Variants in CSPG4 observed in about 807,000 individuals in gnomAD.
The protein encoded by CSPG4 is chondroitin sulfate proteoglycan 4 (melanoma-associated).
CSPG4 carries 74 observed loss-of-function variants against 139.3 expected under a neutral mutation model. The observed-to-expected ratio is 0.53, with a 90% CI of 0.44 to 0.64. CSPG4 has a LOEUF of 0.64. CSPG4 is among the 30% of genes least tolerant of loss of function. CSPG4 has a pLI of 0.00. For synonymous variants in CSPG4, 1,234 were observed against 1,394.2 expected (o/e 0.89, Z 2.56); for missense variants, 2,565 against 3,148.3 (o/e 0.81, Z 4.43).
Position 75,689,697 on chromosome 15 carries a change from C to T in CSPG4, c.1368G>A (p.Leu456=). ...WLEWRHVQPT[L]DLMEAELRKS... ...TGCGCAGCTCAGCCTCCATCAGGTC[C>T]AGCGTGGGCTGCACATGCCTCCACT... The change falls in exon 3 of 10, where the codon CTG becomes CTA. Residue 456 remains leucine (L), a synonymous_variant. Coordinates refer to ENST00000308508, the MANE Select transcript of CSPG4 (RefSeq NM_001897.5). 2 of 1,612,884 alleles carry T rather than the reference C, an allele frequency of 1.2e-6. No individual in the cohort carries two copies. Among genetic ancestry groups the T allele is most frequent in the Middle Eastern group, 3.3e-4 (2 of 6,018 alleles).
chr15:75,707,524 T>C lies in CSPG4; in HGVS notation c.88+5144A>G, dbSNP rs545370178. Among the ~76,000 whole-genome samples the C allele has an allele frequency of 8.0e-4, 122 of 151,634 alleles. 1 individual carries two copies. The highest frequency in any genetic ancestry group is 2.5e-3 in the African/African-American group (104 of 41,414). ...GTGTGGAGTGAGGGCCAGCAGGCAG[T>C]GGGCAGGAGTGGGAAGCTGGGGCAG... On this transcript the variant is annotated intron_variant, in intron 1 of 9. Transcript: ENST00000308508.
intron 1 of CSPG4, among the ~76,000 whole-genome samples, chr15:75,695,413 T>C (rs1596011216): frequency 1.3e-5 from 2 of 152,082 alleles, no homozygotes; most frequent in African/African-American, 2.4e-5. Flanking sequence ...AATGGGTCCA[T>C]TGAGGGGCTG....
intron 1 of CSPG4, among the ~76,000 whole-genome samples, 198 bp downstream of exon 1, chr15:75,712,470 C>T (rs1199403831): frequency 6.6e-6 from 1 of 152,206 alleles, no homozygotes; most frequent in Non-Finnish European, 1.5e-5. Flanking sequence ...TAGCTAGAAA[C>T]CCCATAACCT....
chr15:75,686,495 C>A (rs574581623), intron 3 of CSPG4, among the ~76,000 whole-genome samples: 25 of 117,794 alleles, frequency 2.1e-4, no homozygotes, highest in African/African-American at 6.2e-4. Context: ...CACAAGAGGC[C>A]AAACCACCCC....
chr15:75,674,754 A>G lies in CSPG4; in HGVS notation c.*796T>C, dbSNP rs1127648. ...GAGACCCTCGATGAGCCCCAGCCTA[A>G]CCTGCTCCAAAGCCACTGACACATG... On this transcript the variant is annotated 3_prime_UTR_variant, in exon 10 of 10. Transcript: ENST00000308508. The G allele has an allele frequency of 0.52, 207,811 of 398,370 alleles. 55,532 individuals carry two copies. The highest frequency in any genetic ancestry group is 0.57 in the Non-Finnish European group (127,871 of 226,010). The allele number at this position is 398,370 out of a possible 1,614,324, so 24.7% of individuals were successfully genotyped here. A position where few individuals can be genotyped will look rare whatever the true frequency, so the allele number is the denominator to read the frequency against.
chr15:75,701,389 G>A (rs1360053843), intron 1 of CSPG4, among the ~76,000 whole-genome samples: 1 of 152,184 alleles, frequency 6.6e-6, no homozygotes, highest in East Asian at 1.9e-4. Flanking sequence ...AGCACTGGTG[G>A]TGCTCCAGTG....
rs758273263 is a variant in CSPG4 at position 75,689,445 on chromosome 15, G to A, written c.1620C>T (p.Tyr540=). ...MPSCLRRGQT[Y]LLPIQVNPVN... Reference sequence around the variant, plus strand: ...CAGGGTTGACCTGGATGGGCAGGAGGTATGTTTGGCCCCTCCGAAGGCATG... The same window carrying A: ...CAGGGTTGACCTGGATGGGCAGGAGATATGTTTGGCCCCTCCGAAGGCATG... Residue 540 remains tyrosine, a synonymous_variant, in exon 3 of 10, where the codon TAC becomes TAT. Coordinates refer to ENST00000308508, the MANE Select transcript of CSPG4 (RefSeq NM_001897.5). The A allele has an allele frequency of 5.0e-6, 8 of 1,612,690 alleles. No homozygotes were observed. The Admixed American group carries it at 1.0e-4, about 20-fold the overall frequency.
chr15:75,697,543 C>T (rs35254471), intron 1 of CSPG4, among the ~76,000 whole-genome samples: 42,944 of 152,142 alleles, frequency 0.28, 6,568 homozygotes, highest in Non-Finnish European at 0.34. Flanking sequence ...CCCTACCCAC[C>T]CAGGCACCCC....
chr15:75,678,644 G>A, intron 8 of CSPG4: 1 of 456,048 alleles, frequency 2.2e-6, no homozygotes, highest in South Asian at 1.5e-5. Flanking sequence ...AGGAGGCACT[G>A]CACCTGGCCA....
chr15:75,685,159 C>T (rs1673372663), intron 4 of CSPG4, 60 bp downstream of exon 4: 1 of 1,507,292 alleles, frequency 6.6e-7, no homozygotes, highest in Non-Finnish European at 8.9e-7. Context: ...GTCCCCAGGG[C>T]TCCCTCCACT....
chr15:75,702,536 G>A (rs1007103687), intron 1 of CSPG4, among the ~76,000 whole-genome samples: 1 of 152,222 alleles, frequency 6.6e-6, no homozygotes, highest in Non-Finnish European at 1.5e-5. Context: ...GGGCCCACCA[G>A]GGCATGAGGG....
chr15:75,681,414 C>T (rs1306774528), intron 8 of CSPG4, among the ~76,000 whole-genome samples: 2 of 152,176 alleles, frequency 1.3e-5, no homozygotes, highest in Admixed American at 6.5e-5. Context: ...AGGGGGACCC[C>T]TCAGGAGGTA....
chr15:75,690,051 G>C lies in CSPG4; in HGVS notation c.1014C>G (p.His338Gln). ...DAEASRHLQE[H>Q]RLGLTPEATN... ...TGGCCTCTGGTGTCAGGCCCAGGCG[G>C]TGTTCCTGGAGGTGACGAGAGGCCT... Residue 338 changes from histidine to glutamine, a missense_variant, in exon 3 of 10, where the codon CAC becomes CAG. By Grantham distance (24) the His-to-Gln change is conservative. Coordinates refer to ENST00000308508, the MANE Select transcript of CSPG4 (RefSeq NM_001897.5). 1 of 1,611,846 alleles carries C rather than the reference G, an allele frequency of 6.2e-7. No homozygotes were observed. Among genetic ancestry groups the C allele is most frequent in the South Asian group, 1.1e-5 (1 of 90,798 alleles).
rs900517224 is a variant in CSPG4 at position 75,698,959 on chromosome 15, C to G, written c.89-5726G>C. 1.7e-4 allele frequency among the ~76,000 whole-genome samples: 26 copies of G among 152,242 alleles called. No homozygotes were observed. Among genetic ancestry groups the G allele is most frequent in the Admixed American group, 1.6e-3 (24 of 15,296 alleles). The stretch of plus-strand genomic sequence containing the variant: ...AAGGCTCATCACTGGCCAGGGTGGG[C>G]TGCCTGGGAGACGCTCACACACCTG... On this transcript the variant is annotated intron_variant, in intron 1 of 9. Transcript: ENST00000308508. This position sits in a 1 kb window ranked among gnomAD's most constrained non-coding sequence, Gnocchi z 4.3.
Position 75,690,647 on chromosome 15 carries a change from G to T in CSPG4, c.418C>A (p.Leu140Ile), listed in dbSNP as rs559637187. 14 of 1,611,914 alleles carry T rather than the reference G, an allele frequency of 8.7e-6. No individual in the cohort carries two copies. In the Admixed American group the frequency reaches 1.0e-4, roughly 12 times the overall value. ...NASSAVPGAP[L>I]EVPYGLFVGG... ...ACAAAGAGCCCATAGGGGACCTCTA[G>T]GGGGGCTCCTGGGACTGCTGAGGAG... Residue 140 changes from leucine to isoleucine, a missense_variant, in exon 3 of 10, where the codon CTA becomes ATA. By Grantham distance (5) the Leu-to-Ile change is conservative. Coordinates refer to ENST00000308508, the MANE Select transcript of CSPG4 (RefSeq NM_001897.5).
intron 8 of CSPG4, 67 bp from the exon 9 acceptor site, chr15:75,677,953 TTGTCTCCTCAGGCCCCACTC>T (rs1893917480): frequency 4.8e-6 from 7 of 1,463,972 alleles, no homozygotes; most frequent in Non-Finnish European, 6.4e-6. Context: ...CTGAGCACTT[TTGTCTCCTCAGGCCCCACTC>T]TGGGCTCTCC....
intron 1 of CSPG4, among the ~76,000 whole-genome samples, chr15:75,699,631 G>A (rs539732985): frequency 6.2e-4 from 95 of 152,352 alleles, no homozygotes; most frequent in Middle Eastern, 6.8e-3. Context: ...CTGGGGCCTT[G>A]TGGAGCACAG....
In CSPG4 at chr15:75,688,716, A is replaced by C; in HGVS notation, c.2349T>G (p.Thr783=). The C allele has an allele frequency of 6.2e-7, 1 of 1,611,168 alleles. No individual in the cohort carries two copies. The highest frequency in any genetic ancestry group is 8.5e-7 in the Non-Finnish European group (1 of 1,178,744). ...GTGGCTCCAGCCGCAGCATCCACAC[A>C]GTGGCTCTCTGGATGGTCACTGGGA... ...LSFPVTIQRA[T]VWMLRLEPLH... The change falls in exon 3 of 10, where the codon ACT becomes ACG. Residue 783 remains threonine, a synonymous_variant. Coordinates refer to ENST00000308508, the MANE Select transcript of CSPG4 (RefSeq NM_001897.5).
At chr15:75,709,633 G>C (rs1894419457) in intron 1 of CSPG4, among the ~76,000 whole-genome samples, 1 of 152,212 alleles carries the variant, frequency 6.6e-6, no homozygotes, top group Admixed American at 6.5e-5. Context: ...GCGCCAGTAA[G>C]TGCGGACGTC....
Sources: gnomAD v4.1 joint callset for allele counts (sites outside exome capture counted in the v4.1 genomes callset) on GRCh38, gnomAD v4.1.1 for gene constraint, Gnocchi (gnomAD v3.1) non-coding constraint, MANE v1.5 for transcripts, NCBI Gene and HGNC (gene_info 2026-07-23, HGNC 2026-07-21) for gene names.